Variants in CRPPA observed in about 807,000 individuals in gnomAD.
The protein encoded by CRPPA is CDP-L-ribitol pyrophosphorylase A.
A neutral mutation model predicts 52.0 loss-of-function variants in CRPPA; 43 were observed. That is an observed-to-expected ratio of 0.83 (90% confidence interval 0.65 to 1.07). The LOEUF is 1.07. CRPPA is among the 50% of genes least tolerant of loss of function. The pLI, the probability that CRPPA is intolerant of heterozygous loss-of-function variation, is 0.00. For synonymous variants in CRPPA, 250 were observed against 203.5 expected (o/e 1.23, Z -1.94); for missense variants, 629 against 551.7 (o/e 1.14, Z -1.40).
intron 9 of CRPPA, among the ~76,000 whole-genome samples, chr7:16,215,633 A>G (rs920886498): frequency 6.6e-6 from 1 of 152,242 alleles, no homozygotes; most frequent in African/African-American, 2.4e-5. Context: ...ATAACATAAA[A>G]GTAAATAATC....
chr7:16,338,867 G>A (rs943471204), intron 3 of CRPPA, among the ~76,000 whole-genome samples: 3 of 148,242 alleles, frequency 2.0e-5, no homozygotes, highest in Non-Finnish European at 4.4e-5. Context: ...CCAGGCTGGA[G>A]TGCAGTGGCA....
intron 3 of CRPPA, among the ~76,000 whole-genome samples, chr7:16,341,256 A>T (rs1285793205): frequency 6.6e-6 from 1 of 152,052 alleles, no homozygotes; most frequent in Non-Finnish European, 1.5e-5. Context: ...GGTGATAATG[A>T]TAATAATGTA....
intron 3 of CRPPA, among the ~76,000 whole-genome samples, chr7:16,347,901 G>C (rs1277237640): frequency 6.6e-6 from 1 of 152,018 alleles, no homozygotes; most frequent in Non-Finnish European, 1.5e-5. Flanking sequence ...GAGGATTAAA[G>C]ACTCTCCAGA....
intron 6 of CRPPA, 68 bp from the exon 7 acceptor site, chr7:16,259,080 G>A: frequency 9.0e-7 from 1 of 1,116,232 alleles, no homozygotes; most frequent in Non-Finnish European, 1.3e-6. Context: ...TTGTTACAAA[G>A]GAACACATAA....
intron 8 of CRPPA, 70 bp from the exon 9 acceptor site, chr7:16,216,267 A>C: frequency 2.0e-6 from 2 of 990,166 alleles, no homozygotes; most frequent in Admixed American, 5.7e-5. Flanking sequence ...AAAAACATTA[A>C]AGAAGCTCAA....
chr7:16,314,723 A>C (rs1455380942), intron 3 of CRPPA, among the ~76,000 whole-genome samples: 1 of 152,034 alleles, frequency 6.6e-6, no homozygotes, highest in Non-Finnish European at 1.5e-5. Context: ...CATTCTTTAA[A>C]TATTTTATTT....
Position 16,301,416 on chromosome 7 carries a change from C to T in CRPPA, c.835+5G>A. 1 of 1,611,204 alleles carries T rather than the reference C, an allele frequency of 6.2e-7. No homozygotes were observed. The highest frequency in any genetic ancestry group is 8.5e-7 in the Non-Finnish European group (1 of 1,177,932). The stretch of plus-strand genomic sequence containing the variant: ...AGGAACTGACAGTCATAAGGCCAAA[C>T]ATACCCTTAATAATCGATTCAGCCG... On this transcript the variant is annotated splice_donor_5th_base_variant and intron_variant, in intron 5 of 9. Coordinates refer to ENST00000407010, the MANE Select transcript of CRPPA (RefSeq NM_001101426.4).
chr7:16,368,068 C>A (rs1786655980), intron 3 of CRPPA, among the ~76,000 whole-genome samples: 1 of 152,100 alleles, frequency 6.6e-6, no homozygotes, highest in South Asian at 2.1e-4. Flanking sequence ...GGTCTCTGAA[C>A]AATAAAATTC....
chr7:16,286,097 A>AAAAAATATATATAT, intron 5 of CRPPA, among the ~76,000 whole-genome samples: 414 of 39,106 alleles, frequency 0.011, 41 homozygotes, highest in Non-Finnish European at 0.014. Flanking sequence ...TAAAAAAAAA[A>AAAAAATATATATAT]ATATATATAT....
chr7:16,415,578 A>G (rs1317099090), intron 1 of CRPPA, among the ~76,000 whole-genome samples: 2 of 152,126 alleles, frequency 1.3e-5, no homozygotes, highest in Admixed American at 6.5e-5. Context: ...TGATGTCTAT[A>G]CTTTTTCAAG....
At chr7:16,357,402 C>G (rs1786328974) in intron 3 of CRPPA, among the ~76,000 whole-genome samples, 1 of 152,118 alleles carries the variant, frequency 6.6e-6, no homozygotes, top group African/African-American at 2.4e-5. Context: ...TGGTCTCAAA[C>G]TCCTGACCCT....
intron 3 of CRPPA, among the ~76,000 whole-genome samples, chr7:16,331,884 T>C (rs1398928445): frequency 6.6e-6 from 1 of 152,116 alleles, no homozygotes; most frequent in African/African-American, 2.4e-5. Context: ...ATAATGGGAA[T>C]ATCTATAAAA....
At chr7:16,330,362 G>T (rs116044886) in intron 3 of CRPPA, among the ~76,000 whole-genome samples, 3 of 152,078 alleles carry the variant, frequency 2.0e-5, no homozygotes, top group Non-Finnish European at 2.9e-5. Flanking sequence ...TGGAAGTCTC[G>T]CAGCTTCGTC....
intron 2 of CRPPA, among the ~76,000 whole-genome samples, chr7:16,394,589 T>C (rs1348599567): frequency 1.4e-4 from 22 of 152,196 alleles, no homozygotes; most frequent in Admixed American, 1.4e-3. Flanking sequence ...AGTTCTTCAG[T>C]AGTTTTTTAA....
intron 9 of CRPPA, among the ~76,000 whole-genome samples, chr7:16,168,070 T>C (rs1390493692): frequency 1.3e-5 from 2 of 152,234 alleles, no homozygotes; most frequent in Non-Finnish European, 2.9e-5. Context: ...TTCTTTGATG[T>C]GTTTCTTGGC....
At chr7:16,347,070 A>C (rs549575238) in intron 3 of CRPPA, among the ~76,000 whole-genome samples, 2 of 152,154 alleles carry the variant, frequency 1.3e-5, no homozygotes, top group Non-Finnish European at 2.9e-5. Context: ...AATACTTCCA[A>C]TATCAGGCAT....
At chr7:16,311,913 A>C (rs1056841991) in intron 3 of CRPPA, among the ~76,000 whole-genome samples, 1 of 152,080 alleles carries the variant, frequency 6.6e-6, no homozygotes, top group Non-Finnish European at 1.5e-5. Flanking sequence ...CTTTTCTGCC[A>C]AAGACCAATT....
intron 6 of CRPPA, chr7:16,269,640 T>G (rs1045161552): frequency 2.6e-5 from 4 of 152,168 alleles, no homozygotes. Context: ...AGTTTTCCAG[T>G]AACAAGATAA....
In CRPPA at chr7:16,181,479, C is replaced by A. The variant is rs75604807; in HGVS notation, c.1251+34587G>T. On this transcript the variant is annotated intron_variant, in intron 9 of 9. Coordinates refer to ENST00000407010, the MANE Select transcript of CRPPA (RefSeq NM_001101426.4). ...AATTATTGAATTTTGTTACTCTTTA[C>A]GTGACTCATTTATCAAATCTCCAGC... is the stretch of plus-strand genomic sequence containing the variant. Among the ~76,000 whole-genome samples, 1,306 of 152,014 alleles carry A rather than the reference C, an allele frequency of 8.6e-3. 8 individuals carry two copies. The highest frequency in any genetic ancestry group is 0.015 in the Non-Finnish European group (1,007 of 67,856).
Sources: gnomAD v4.1 joint callset for allele counts (sites outside exome capture counted in the v4.1 genomes callset) on GRCh38, gnomAD v4.1.1 for gene constraint, MANE v1.5 for transcripts, NCBI Gene and HGNC (gene_info 2026-07-23, HGNC 2026-07-21) for gene names.